Variants in ZNF746 observed in about 807,000 individuals in gnomAD.
ZNF746 encodes parkin-interacting substrate.
A neutral mutation model predicts 41.0 loss-of-function variants in ZNF746; 13 were observed. The ratio of observed to expected loss-of-function variants is 0.32; its 90% confidence interval spans 0.21 to 0.50. ZNF746 has a LOEUF of 0.50. Ranked by LOEUF, ZNF746 falls within the 20% of genes least tolerant of loss-of-function variation. The probability of loss-of-function intolerance (pLI) is 0.98; values close to 1 mark genes in which losing one functional copy is unlikely to be tolerated. For synonymous variants in ZNF746, 424 were observed against 396.2 expected (o/e 1.07, Z -0.83); for missense variants, 811 against 922.9 (o/e 0.88, Z 1.57).
intron 1 of ZNF746, chr7:149,496,911 C>A (rs1423328237): frequency 7.1e-6 from 7 of 985,278 alleles, no homozygotes; most frequent in Non-Finnish European, 8.4e-6. Context: ...TAAGCCTGGG[C>A]AAGTTAAGTT....
intron 6 of ZNF746, among the ~76,000 whole-genome samples, chr7:149,475,708 T>C (rs1181092089): frequency 6.6e-6 from 1 of 152,250 alleles, no homozygotes; most frequent in East Asian, 1.9e-4. Context: ...CAAGCCACCA[T>C]ATCTGCTCCC....
intron 1 of ZNF746, chr7:149,496,921 T>C (rs1450190178): frequency 8.1e-6 from 8 of 985,146 alleles, no homozygotes; most frequent in Non-Finnish European, 9.6e-6. Context: ...CAAGTTAAGT[T>C]CTCTAGGCCC....
chr7:149,488,465 A>G (rs1386393445), intron 4 of ZNF746: 2 of 152,228 alleles, frequency 1.3e-5, no homozygotes, highest in Admixed American at 1.3e-4. Context: ...ACACGGAGAA[A>G]ATGTTTGTAA....
chr7:149,491,905 A>G, intron 4 of ZNF746: 1 of 701,750 alleles, frequency 1.4e-6, no homozygotes, highest in Non-Finnish European at 2.6e-6. Context: ...TCCTTCCCTT[A>G]ACTTTCAAAG....
Position 149,475,147 on chromosome 7 carries a change from A to G in ZNF746, c.1220T>C (p.Leu407Pro), listed in dbSNP as rs748035054. 5.6e-6 allele frequency: 9 copies of G among 1,612,556 alleles called. No individual in the cohort carries two copies. The highest frequency in any genetic ancestry group is 1.6e-4 in the Middle Eastern group (1 of 6,084). ...CCCCTCGGGCCCCGTCCTCGGGTTCAGGCCCACTGGCGGTTTACACCGGAA... is the reference window on the plus strand; with the variant it reads ...CCCCTCGGGCCCCGTCCTCGGGTTCGGGCCCACTGGCGGTTTACACCGGAA... ...WNFRCKPPVG[L>P]NPRTGPEGLP... Residue 407 changes from leucine to proline, a missense_variant, in exon 7 of 7, where the codon CTG becomes CCG. Around this residue, in one of 4 missense-constraint regions of ZNF746, gnomAD observed 495 missense variants for 481.6 expected, o/e 1.03. Transcript: ENST00000458143.
intron 4 of ZNF746, chr7:149,487,912 C>T (rs548863805): frequency 6.6e-6 from 1 of 152,026 alleles, no homozygotes; most frequent in Admixed American, 6.6e-5. Flanking sequence ...CATACAGATC[C>T]CAAAATTCAT....
intron 4 of ZNF746, among the ~76,000 whole-genome samples, chr7:149,478,407 G>A (rs1340914559): frequency 6.6e-6 from 1 of 152,194 alleles, no homozygotes; most frequent in African/African-American, 2.4e-5. Context: ...TACTTGTCCA[G>A]GGCTATGTGT....
chr7:149,473,817 C>T lies in ZNF746; in HGVS notation c.*567G>A, dbSNP rs74694294. On this transcript the variant is annotated 3_prime_UTR_variant, in exon 7 of 7. Transcript: ENST00000458143. The stretch of plus-strand genomic sequence containing the variant: ...GGAGAGGCAAGCTGGGAAATGCAAC[C>T]GCTACTCCCGGAGGGGTCCTTCCTG... 1,597 of 156,340 alleles carry T rather than the reference C, an allele frequency of 0.01. 29 individuals carry two copies. Among genetic ancestry groups the T allele is most frequent in the African/African-American group, 0.036 (1,507 of 41,566 alleles). The allele number at this position is 156,340 out of a possible 1,614,324, so 9.7% of individuals were successfully genotyped here.
intron 4 of ZNF746, among the ~76,000 whole-genome samples, chr7:149,486,865 G>A (rs1202009305): frequency 6.6e-6 from 1 of 152,188 alleles, no homozygotes; most frequent in Non-Finnish European, 1.5e-5. Context: ...ATCTCTAAAT[G>A]TCACACGAAT....
At chr7:149,496,789 C>A in intron 1 of ZNF746, 1 of 985,216 alleles carries the variant, frequency 1.0e-6, no homozygotes, top group Non-Finnish European at 1.2e-6. Context: ...AAGCTTCCAC[C>A]TGGGCGCCAG....
intron 4 of ZNF746, among the ~76,000 whole-genome samples, chr7:149,484,775 A>C (rs1800574727): frequency 1.3e-5 from 2 of 152,006 alleles, no homozygotes; most frequent in African/African-American, 4.8e-5. Context: ...TGATTAGACA[A>C]TTAATAGAAA....
chr7:149,495,710 G>A lies in ZNF746; in HGVS notation c.25-1207C>T, dbSNP rs541973757. ...ACTTAGAGAAAGTCACTGAGAACTA[G>A]AATGCGGATGGACAGCTCAAAAAAT... On this transcript the variant is annotated intron_variant, in intron 1 of 6. Transcript: ENST00000458143. Among the ~76,000 whole-genome samples the A allele has an allele frequency of 2.3e-4, 35 of 152,338 alleles. No homozygotes were observed. In the South Asian group the frequency reaches 7.3e-3, roughly 32 times the overall value.
At chr7:149,477,822 C>T in intron 4 of ZNF746, 67 bp from the exon 5 acceptor site, 1 of 1,359,846 alleles carries the variant, frequency 7.4e-7, no homozygotes, top group African/African-American at 1.4e-5. Flanking sequence ...TACACGCATC[C>T]AGCCGGAGAG....
intron 4 of ZNF746, among the ~76,000 whole-genome samples, chr7:149,485,150 T>TAA (rs1276572923): frequency 9.3e-5 from 10 of 107,626 alleles, no homozygotes; most frequent in African/African-American, 3.3e-4. Flanking sequence ...CAAAAGTGAT[T>TAA]TAAAAAAAAA....
intron 4 of ZNF746, among the ~76,000 whole-genome samples, chr7:149,478,700 C>T (rs569580551): frequency 1.8e-4 from 28 of 152,164 alleles, no homozygotes; most frequent in African/African-American, 6.5e-4. Context: ...AGAGTTCACT[C>T]CCAAGAACTA....
At chr7:149,490,513 C>T (rs1490520580) in intron 4 of ZNF746, 1 of 152,526 alleles carries the variant, frequency 6.6e-6, no homozygotes, top group African/African-American at 2.4e-5. Flanking sequence ...CAATGGTGGG[C>T]ATGGAGGGAA....
Position 149,474,417 on chromosome 7 carries a change from G to A in ZNF746, c.1950C>T (p.Ser650=), listed in dbSNP as rs760035507. The A allele has an allele frequency of 4.3e-6, 7 of 1,610,388 alleles. No homozygotes were observed. In the Admixed American group the frequency reaches 1.0e-4, roughly 23 times the overall value. Residue 650 remains serine (S), a synonymous_variant, in exon 7 of 7, where the codon AGC becomes AGT. Coordinates refer to ENST00000458143, the MANE Select transcript of ZNF746 (RefSeq NM_001394198.1). The surrounding 1 kb of genome is among the most constrained non-coding windows in gnomAD (Gnocchi z 6.3). ...CCCCGCCATCGGTGGGTCCCAGGAC[G>A]CTGAGGCCACAAGTCCAGTCGGTCA... is the stretch of plus-strand genomic sequence containing the variant. ...DLVTDWTCGL[S]VLGPTDGGDM
intron 4 of ZNF746, among the ~76,000 whole-genome samples, chr7:149,483,390 C>T (rs557209436): frequency 2.2e-4 from 33 of 152,052 alleles, no homozygotes; most frequent in Admixed American, 1.9e-3. Flanking sequence ...AGGTGGATCA[C>T]GAGGTCAGGA....
Position 149,491,592 on chromosome 7 carries a change from C to A in ZNF746, c.565+1267G>T, listed in dbSNP as rs538006243. The A allele has an allele frequency of 2.5e-5, 11 of 437,180 alleles. No homozygotes were observed. The East Asian group carries it at 4.4e-4, about 17-fold the overall frequency. The allele number at this position is 437,180 out of a possible 1,614,324, so 27.1% of individuals were successfully genotyped here. A position where few individuals can be genotyped will look rare whatever the true frequency, so the allele number is the denominator to read the frequency against. On this transcript the variant is annotated intron_variant, in intron 4 of 6. Coordinates refer to ENST00000458143, the MANE Select transcript of ZNF746 (RefSeq NM_001394198.1). Reference sequence around the variant, plus strand: ...AGCTAAACTGTCAATGTCCCGATGACGACTGGCAAAGCGGCCAGCCCGGAA... The same window carrying A: ...AGCTAAACTGTCAATGTCCCGATGAAGACTGGCAAAGCGGCCAGCCCGGAA...
Sources: gnomAD v4.1 joint callset for allele counts (sites outside exome capture counted in the v4.1 genomes callset) on GRCh38, gnomAD v4.1.1 for gene constraint, gnomAD v4.1.1 regional missense constraint, Gnocchi (gnomAD v3.1) non-coding constraint, MANE v1.5 for transcripts, NCBI Gene and HGNC (gene_info 2026-07-23, HGNC 2026-07-21) for gene names.